Variants in EPC2 observed in about 807,000 individuals in gnomAD.
EPC2 encodes enhancer of polycomb 2.
In EPC2, 14 loss-of-function variants were observed where a neutral mutation model predicts 92.1. That is an observed-to-expected ratio of 0.15 (90% CI 0.10 to 0.24). The LOEUF is 0.24. EPC2 is among the 10% of genes least tolerant of loss of function. The probability of loss-of-function intolerance (pLI) is 1.00; values close to 1 mark genes in which losing one functional copy is unlikely to be tolerated. For missense variants in EPC2, 755 were observed against 971.5 expected, an observed-to-expected ratio of 0.78 and a Z score of 2.96; for synonymous variants, 340 against 334.7, an observed-to-expected ratio of 1.02 and a Z score of -0.17.
chr2:148,650,897 G>C lies in EPC2; in HGVS notation c.153+5727G>C, dbSNP rs527253377. On this transcript the variant is annotated intron_variant, in intron 1 of 13. Transcript: ENST00000258484. Reference sequence around the variant, plus strand: ...AACTAAAGTGTTCTGTATAGGAAAAGTATGTGTAAGGCCGTGTACTGAAAT... The same window carrying C: ...AACTAAAGTGTTCTGTATAGGAAAACTATGTGTAAGGCCGTGTACTGAAAT... Among the ~76,000 whole-genome samples, 9 of 152,300 alleles carry C rather than the reference G, an allele frequency of 5.9e-5. No homozygotes were observed. The South Asian group carries it at 1.9e-3, about 32-fold the overall frequency.
chr2:148,682,449 GT>G (rs1205754892), intron 1 of EPC2, among the ~76,000 whole-genome samples: 2 of 152,178 alleles, frequency 1.3e-5, no homozygotes, highest in African/African-American at 4.8e-5. Flanking sequence ...AATGAGTAGT[GT>G]TTTTGACCTG....
intron 10 of EPC2, among the ~76,000 whole-genome samples, chr2:148,774,624 TTA>T (rs35031553): frequency 2.3e-4 from 31 of 132,532 alleles, no homozygotes; most frequent in Admixed American, 2.4e-4. Context: ...AAAATATATT[TTA>T]TATATATATA....
intron 1 of EPC2, among the ~76,000 whole-genome samples, chr2:148,684,586 G>A (rs1207451556): frequency 6.6e-6 from 1 of 152,204 alleles, no homozygotes; most frequent in Non-Finnish European, 1.5e-5. Flanking sequence ...CTGGACTGTT[G>A]ATACCAACTG....
At chr2:148,648,143 A>T (rs1683842123) in intron 1 of EPC2, among the ~76,000 whole-genome samples, 1 of 152,214 alleles carries the variant, frequency 6.6e-6, no homozygotes, top group African/African-American at 2.4e-5. Context: ...AAAAGTGGAG[A>T]TTCTTAAAAT....
intron 2 of EPC2, among the ~76,000 whole-genome samples, chr2:148,738,135 C>CAAT (rs2105402825): frequency 1.3e-5 from 2 of 152,274 alleles, no homozygotes; most frequent in South Asian, 4.1e-4. Context: ...ACAACAACAA[C>CAAT]AACAACAACA....
At chr2:148,714,543 T>C (rs1035600951) in intron 2 of EPC2, among the ~76,000 whole-genome samples, 1 of 152,192 alleles carries the variant, frequency 6.6e-6, no homozygotes, top group African/African-American at 2.4e-5. Flanking sequence ...TGTAAAAGCG[T>C]TCCTTTTCCT....
intron 2 of EPC2, among the ~76,000 whole-genome samples, chr2:148,729,170 G>A (rs982962354): frequency 6.6e-6 from 1 of 151,462 alleles, no homozygotes; most frequent in African/African-American, 2.4e-5. Flanking sequence ...TGTTACAGAA[G>A]TTGCCAAATC....
intron 2 of EPC2, among the ~76,000 whole-genome samples, chr2:148,708,342 G>A (rs1682054037): frequency 6.6e-6 from 1 of 152,156 alleles, no homozygotes; most frequent in African/African-American, 2.4e-5. Context: ...TGAAATTGAA[G>A]CAATAATTAA....
intron 2 of EPC2, among the ~76,000 whole-genome samples, chr2:148,703,009 T>C (rs975541550): frequency 4.6e-5 from 7 of 152,176 alleles, no homozygotes; most frequent in Non-Finnish European, 7.3e-5. Context: ...ATATTAAGCA[T>C]TTAATGGTGC....
At chr2:148,710,013 A>G (rs1415368499) in intron 2 of EPC2, among the ~76,000 whole-genome samples, 3 of 151,422 alleles carry the variant, frequency 2.0e-5, no homozygotes, top group Non-Finnish European at 4.4e-5. Context: ...TAATTAAACT[A>G]AAGAGCTTCT....
intron 3 of EPC2, among the ~76,000 whole-genome samples, chr2:148,745,460 C>T (rs1033578530): frequency 7.2e-5 from 11 of 152,022 alleles, no homozygotes; most frequent in African/African-American, 2.4e-4. Flanking sequence ...CCTTGTTCAG[C>T]GTATTATCCA....
At chr2:148,769,641 A>G (rs1455830860) in intron 8 of EPC2, among the ~76,000 whole-genome samples, 2 of 152,182 alleles carry the variant, frequency 1.3e-5, no homozygotes, top group Non-Finnish European at 2.9e-5. Context: ...CATACCAGTA[A>G]GTATCAAACA....
chr2:148,650,266 T>TC (rs1680650811), intron 1 of EPC2, among the ~76,000 whole-genome samples: 2 of 152,132 alleles, frequency 1.3e-5, no homozygotes, highest in African/African-American at 2.4e-5. Context: ...GTGTCTTTTC[T>TC]CCCCCTCCCC....
At chr2:148,746,209 ACC>A (rs1323505089) in intron 3 of EPC2, among the ~76,000 whole-genome samples, 2 of 151,914 alleles carry the variant, frequency 1.3e-5, no homozygotes, top group Non-Finnish European at 2.9e-5. Context: ...ATAATGTATT[ACC>A]TTTGGCCTTG....
At chr2:148,673,614 C>T (rs762578328) in intron 1 of EPC2, among the ~76,000 whole-genome samples, 2 of 152,156 alleles carry the variant, frequency 1.3e-5, no homozygotes, top group African/African-American at 2.4e-5. Flanking sequence ...GACAGAGTCT[C>T]ACTCTGTCAC....
intron 4 of EPC2, among the ~76,000 whole-genome samples, chr2:148,759,338 C>G (rs901845324): frequency 2.2e-4 from 34 of 152,190 alleles, no homozygotes; most frequent in Non-Finnish European, 4.9e-4. Context: ...GGTGATCCGA[C>G]CGCCTTGGCC....
chr2:148,694,388 A>G (rs1681702973), intron 2 of EPC2, among the ~76,000 whole-genome samples: 3 of 152,188 alleles, frequency 2.0e-5, no homozygotes, highest in African/African-American at 7.2e-5. Context: ...TTTATGCAGA[A>G]TTTATTGAAT....
intron 2 of EPC2, among the ~76,000 whole-genome samples, chr2:148,732,226 A>G (rs779182379): frequency 3.2e-4 from 49 of 152,138 alleles, no homozygotes; most frequent in Non-Finnish European, 5.6e-4. Context: ...GCCTGTACCT[A>G]AGGGGTTCCT....
Position 148,771,173 on chromosome 2 carries a change from T to A in EPC2, c.1506T>A (p.Ala502=), listed in dbSNP as rs1276948662. 5.0e-6 allele frequency: 8 copies of A among 1,614,006 alleles called. No homozygotes were observed. In the South Asian group the frequency reaches 8.8e-5, roughly 18 times the overall value. Residue 502 remains alanine, a synonymous_variant, in exon 10 of 14, where the codon GCT becomes GCA. Coordinates refer to ENST00000258484, the MANE Select transcript of EPC2 (RefSeq NM_015630.4). ...DFSSNFSRTN[A]SSKHCENRLS... ...CTTCTAATTTCTCTCGGACCAATGC[T>A]TCCAGTAAACATTGTGAAAATAGAC...
Sources: gnomAD v4.1 joint callset for allele counts (sites outside exome capture counted in the v4.1 genomes callset) on GRCh38, gnomAD v4.1.1 for gene constraint, MANE v1.5 for transcripts, NCBI Gene and HGNC (gene_info 2026-07-23, HGNC 2026-07-21) for gene names.